CAPRIN1: variants seen among roughly 807,000 people sequenced by gnomAD.
The protein encoded by CAPRIN1 is caprin-1.
CAPRIN1 carries 29 observed loss-of-function variants against 100.9 expected under a neutral mutation model. The ratio of observed to expected loss-of-function variants is 0.29; its 90% CI spans 0.21 to 0.39. CAPRIN1 has a LOEUF of 0.39. CAPRIN1 is among the 10% of genes least tolerant of loss of function. The pLI is 1.00. For synonymous variants in CAPRIN1, 338 were observed against 307.5 expected (o/e 1.10, Z -1.04); for missense variants, 795 against 876.7 (o/e 0.91, Z 1.18).
At chr11:34,097,376 T>C in intron 17 of CAPRIN1, 80 bp downstream of exon 17, 1 of 1,169,932 alleles carries the variant, frequency 8.5e-7, no homozygotes, top group South Asian at 1.3e-5. Context: ...TTAATGAACC[T>C]AAGTAACTAA....
intron 13 of CAPRIN1, 46 bp downstream of exon 13, chr11:34,090,335 C>T: frequency 7.4e-7 from 1 of 1,351,464 alleles, no homozygotes; most frequent in South Asian, 1.2e-5. Flanking sequence ...GGCACTTACT[C>T]ATGAATTGAA....
intron 14 of CAPRIN1, among the ~76,000 whole-genome samples, chr11:34,091,089 C>T (rs1270952705): frequency 6.6e-6 from 1 of 152,038 alleles, no homozygotes; most frequent in Non-Finnish European, 1.5e-5. Flanking sequence ...TGAGCAAGCA[C>T]CTTTAGAGAA....
chr11:34,082,788 A>C lies in CAPRIN1; in HGVS notation c.827-37A>C, dbSNP rs756070796. 1.9e-6 allele frequency: 3 copies of C among 1,568,094 alleles called. No individual in the cohort carries two copies. In the South Asian group the frequency reaches 3.4e-5, roughly 18 times the overall value. ...GAGTAGAGTAGTATCACTGACCTAA[A>C]AATCCTTTTGTTTTGCACCATTTTT... On this transcript the variant is annotated intron_variant, in intron 7 of 18. Coordinates refer to ENST00000341394, the MANE Select transcript of CAPRIN1 (RefSeq NM_005898.5).
At chr11:34,082,537 A>G (rs1851053593) in intron 7 of CAPRIN1, among the ~76,000 whole-genome samples, 1 of 152,180 alleles carries the variant, frequency 6.6e-6, no homozygotes, top group Non-Finnish European at 1.5e-5. Flanking sequence ...ACTGAACAGA[A>G]GGTGTAGAGA....
chr11:34,075,664 G>A (rs1054338682), intron 4 of CAPRIN1, among the ~76,000 whole-genome samples: 9 of 152,204 alleles, frequency 5.9e-5, no homozygotes, highest in African/African-American at 2.2e-4. Context: ...GATACTCAAA[G>A]TTAGAACTTT....
At chr11:34,084,533 A>G (rs1045344708) in intron 9 of CAPRIN1, among the ~76,000 whole-genome samples, 1 of 152,176 alleles carries the variant, frequency 6.6e-6, no homozygotes, top group Non-Finnish European at 1.5e-5. Flanking sequence ...GGACACTCCC[A>G]CACACCGAAG....
chr11:34,083,193 G>T, intron 9 of CAPRIN1, 152 bp downstream of exon 9: 1 of 622,650 alleles, frequency 1.6e-6, no homozygotes, highest in South Asian at 2.0e-5. Context: ...TCCAAAAAAT[G>T]AATGTTTATC....
At chr11:34,070,178 G>A (rs1850781585) in intron 2 of CAPRIN1, among the ~76,000 whole-genome samples, 1 of 152,106 alleles carries the variant, frequency 6.6e-6, no homozygotes, top group African/African-American at 2.4e-5. Flanking sequence ...TATCTGTGGG[G>A]TCTTACTTAA....
chr11:34,081,167 A>G (rs370815275), intron 7 of CAPRIN1, among the ~76,000 whole-genome samples: 1 of 152,054 alleles, frequency 6.6e-6, no homozygotes, highest in African/African-American at 2.4e-5. Context: ...AGATTATGTG[A>G]TGGCAAACTA....
At chr11:34,057,801 C>G (rs1850484024) in intron 2 of CAPRIN1, among the ~76,000 whole-genome samples, 1 of 152,118 alleles carries the variant, frequency 6.6e-6, no homozygotes. Flanking sequence ...TCACTACAAC[C>G]TCCCCCTCCC....
chr11:34,057,072 T>G (rs953503224), intron 2 of CAPRIN1, among the ~76,000 whole-genome samples: 3 of 152,242 alleles, frequency 2.0e-5, no homozygotes, highest in Non-Finnish European at 4.4e-5. Context: ...GCAGAACTTA[T>G]GTGTTCAGTG....
chr11:34,096,617 C>T lies in CAPRIN1; in HGVS notation c.1844C>T (p.Ser615Phe). 1 of 1,613,382 alleles carries T rather than the reference C, an allele frequency of 6.2e-7. No homozygotes were observed. The highest frequency in any genetic ancestry group is 8.5e-7 in the Non-Finnish European group (1 of 1,179,526). Residue 615 changes from serine (S) to phenylalanine (F), a missense_variant, in exon 16 of 19, where the codon TCC (serine) becomes TTC (phenylalanine). Physicochemically the swap from Ser to Phe is radical, Grantham distance 155. This residue lies in a region of CAPRIN1 where 648 missense variants were observed against 697.9 expected (regional missense o/e 0.93). Coordinates refer to ENST00000341394, the MANE Select transcript of CAPRIN1 (RefSeq NM_005898.5). ...YNSRGVSRGG[S>F]RGARGLMNGY... is the part of the protein sequence containing the mutation. The stretch of plus-strand genomic sequence containing the variant: ...AGTCGTGGTGTGTCTCGTGGAGGCT[C>T]CCGTGGTGCTAGAGGCTTGATGAAT...
chr11:34,065,922 C>CATGTGT (rs1460900843), intron 2 of CAPRIN1, among the ~76,000 whole-genome samples: 1 of 152,160 alleles, frequency 6.6e-6, no homozygotes, highest in African/African-American at 2.4e-5. Flanking sequence ...CATGGAAGAA[C>CATGTGT]ATGTGTAATG....
chr11:34,076,192 T>TA (rs779213267), intron 4 of CAPRIN1, 44 bp from the exon 5 acceptor site: 2 of 1,455,784 alleles, frequency 1.4e-6, no homozygotes, highest in Middle Eastern at 1.8e-4. Flanking sequence ...GAACTAAGTT[T>TA]TATATAACTA....
intron 2 of CAPRIN1, among the ~76,000 whole-genome samples, chr11:34,064,121 T>G (rs1201892641): frequency 6.6e-6 from 1 of 152,176 alleles, no homozygotes; most frequent in African/African-American, 2.4e-5. Context: ...GAAAAATACT[T>G]AATATCTTAT....
In CAPRIN1 at chr11:34,052,830, AGGCACTTGTCACCTGACTCGGACGC is replaced by A. The variant is rs913439194; in HGVS notation, c.216+201_216+225del. ...TGCCCAGAAAACGGGCTCTTGGAAG[AGGCACTTGTCACCTGACTCGGACGC>A]GGCACTGTACCCCAGGCCTCTTTAT... On this transcript the variant is annotated intron_variant, in intron 2 of 18. Transcript: ENST00000341394. 2.1e-6 allele frequency: 3 copies of A among 1,446,012 alleles called. No homozygotes were observed. In the African/African-American group the frequency reaches 4.3e-5, roughly 21 times the overall value. The allele number at this position is 1,446,012 out of a possible 1,614,324, so 89.6% of individuals were successfully genotyped here.
chr11:34,066,388 C>A (rs1850694853), intron 2 of CAPRIN1, among the ~76,000 whole-genome samples: 1 of 152,094 alleles, frequency 6.6e-6, no homozygotes, highest in South Asian at 2.1e-4. Flanking sequence ...GGCTGGAGTG[C>A]AGTGGCACGA....
In CAPRIN1 at chr11:34,070,769, C is replaced by A. The variant is rs113727039; in HGVS notation, c.217-957C>A. Reference sequence around the variant, plus strand: ...CCAGGCTGGAGTGCAATGGTGCGATCTCGGCTCACCGCAGCCTCTGCCTCT... The same window carrying A: ...CCAGGCTGGAGTGCAATGGTGCGATATCGGCTCACCGCAGCCTCTGCCTCT... On this transcript the variant is annotated intron_variant, in intron 2 of 18. Transcript: ENST00000341394. Among the ~76,000 whole-genome samples, 427 of 151,702 alleles carry A rather than the reference C, an allele frequency of 2.8e-3. 3 individuals carry two copies. The highest frequency in any genetic ancestry group is 9.7e-3 in the African/African-American group (399 of 41,300).
intron 15 of CAPRIN1, among the ~76,000 whole-genome samples, chr11:34,093,906 T>TA (rs1254015070): frequency 1.7e-4 from 24 of 141,298 alleles, no homozygotes; most frequent in Admixed American, 4.8e-4. Flanking sequence ...CCTTCATACT[T>TA]ACTTTCCTTC....
Sources: allele counts gnomAD v4.1 joint callset (sites outside exome capture counted in the v4.1 genomes callset), GRCh38; gene constraint gnomAD v4.1.1; regional missense constraint gnomAD v4.1.1; transcripts MANE v1.5; gene names NCBI Gene and HGNC (gene_info 2026-07-23, HGNC 2026-07-21).